The following ACOXL variants were observed in gnomAD, a reference collection of about 807,000 sequenced individuals.
The protein encoded by ACOXL is acyl-CoA oxidase like.
Under a neutral mutation model 71.9 loss-of-function variants are expected in ACOXL, and 70 were observed. The ratio of observed to expected loss-of-function variants is 0.97; its 90% CI spans 0.80 to 1.19. ACOXL has a LOEUF of 1.19. Ranked by LOEUF, ACOXL falls within the 50% of genes most tolerant of loss-of-function variation. ACOXL has a pLI of 0.00. For synonymous variants in ACOXL, 253 were observed against 281.6 expected, an observed-to-expected ratio of 0.90 and a Z score of 1.02; for missense variants, 703 against 736.3, an observed-to-expected ratio of 0.95 and a Z score of 0.52.
chr2:111,066,837 A>C (rs2067095109), intron 16 of ACOXL, among the ~76,000 whole-genome samples: 1 of 152,212 alleles, frequency 6.6e-6, no homozygotes, highest in African/African-American at 2.4e-5. Flanking sequence ...ATGGGGATTT[A>C]ACTCTCATAC....
At chr2:110,795,859 CA>C (rs1234705585) in intron 5 of ACOXL, 1 of 152,020 alleles carries the variant, frequency 6.6e-6, no homozygotes, top group East Asian at 1.9e-4. Flanking sequence ...TACTTTTTTA[CA>C]AAAATAATTT....
intron 15 of ACOXL, among the ~76,000 whole-genome samples, chr2:111,032,672 C>T (rs1459274637): frequency 2.0e-5 from 3 of 152,060 alleles, no homozygotes; most frequent in Non-Finnish European, 4.4e-5. Context: ...CCACAGCTTG[C>T]ATCTGGGGCA....
At chr2:110,768,275 C>T in intron 1 of ACOXL, 93 bp from the exon 2 acceptor site, 3 of 957,138 alleles carry the variant, frequency 3.1e-6, no homozygotes, top group Non-Finnish European at 3.3e-6. Context: ...ACAATGGACA[C>T]AGCTTTTCTG....
At chr2:111,009,064 G>C (rs1022434898) in intron 14 of ACOXL, among the ~76,000 whole-genome samples, 1 of 152,080 alleles carries the variant, frequency 6.6e-6, no homozygotes, top group South Asian at 2.1e-4. Context: ...CATGTTTGCC[G>C]TGCAAACTTT....
intron 12 of ACOXL, among the ~76,000 whole-genome samples, chr2:110,946,929 C>G (rs2061131722): frequency 6.6e-6 from 1 of 152,150 alleles, no homozygotes. Flanking sequence ...TTTGGTGAGT[C>G]AAGGAGAGGC....
intron 2 of ACOXL, 83 bp from the exon 3 acceptor site, chr2:110,784,649 C>T: frequency 2.0e-6 from 2 of 995,928 alleles, no homozygotes; most frequent in Non-Finnish European, 2.9e-6. Flanking sequence ...ATAAAAGTAA[C>T]ATGCATTTCT....
chr2:111,033,322 T>C (rs1458882660), intron 15 of ACOXL, among the ~76,000 whole-genome samples: 1 of 152,244 alleles, frequency 6.6e-6, no homozygotes, highest in African/African-American at 2.4e-5. Context: ...GAAACTGACT[T>C]ATCTTAATTG....
At chr2:111,058,404 G>A (rs2066650905) in intron 16 of ACOXL, among the ~76,000 whole-genome samples, 1 of 152,200 alleles carries the variant, frequency 6.6e-6, no homozygotes, top group Admixed American at 6.5e-5. Context: ...CAGTGAGGGG[G>A]ATGTAAACAC....
In ACOXL at chr2:111,012,283, A is replaced by G. The variant is rs1001642679; in HGVS notation, c.1281+16279A>G. Among the ~76,000 whole-genome samples, 4 of 152,210 alleles carry G rather than the reference A, an allele frequency of 2.6e-5. No homozygotes were observed. The South Asian group carries it at 8.3e-4, about 31-fold the overall frequency. On this transcript the variant is annotated intron_variant, in intron 14 of 17. Coordinates refer to ENST00000439055, the MANE Select transcript of ACOXL (RefSeq NM_001142807.4). The stretch of plus-strand genomic sequence containing the variant: ...TTTTTAGCAATAAATAATTTTTTTG[A>G]GGTGCCTACTTTTTTTAGACATAAC...
At position 110,841,384 on chromosome 2, in the gene ACOXL, TA is replaced by T; in HGVS notation, c.768del (p.Ile256MetfsTer20). 6.2e-7 allele frequency: 1 copy of T among 1,610,162 alleles called. No individual in the cohort carries two copies. Among genetic ancestry groups the T allele is most frequent in the Non-Finnish European group, 8.5e-7 (1 of 1,177,352 alleles). ...AMGAMKLGLT[I>X]AIRYSHSRRQ... ...TTTTAATTACAGCTTGGGTTGACGA[TA>T]GCCATTCGCTATAGCCACAGGTAAA... On this transcript the variant is annotated frameshift_variant, in exon 10 of 18. Coordinates refer to ENST00000439055, the MANE Select transcript of ACOXL (RefSeq NM_001142807.4). LOFTEE classifies it high-confidence loss of function.
chr2:110,927,987 T>C (rs1381649294), intron 11 of ACOXL, among the ~76,000 whole-genome samples: 3 of 152,186 alleles, frequency 2.0e-5, no homozygotes, highest in Admixed American at 2.0e-4. Context: ...TTAACAATTT[T>C]AAAAAATCAA....
At chr2:110,768,531 A>G in intron 2 of ACOXL, 67 bp downstream of exon 2, 1 of 1,464,050 alleles carries the variant, frequency 6.8e-7, no homozygotes, top group Non-Finnish European at 9.4e-7. Flanking sequence ...AGAGAGAGAG[A>G]GAGAGAGTTT....
intron 1 of ACOXL, among the ~76,000 whole-genome samples, chr2:110,751,883 A>G (rs1205329002): frequency 1.3e-5 from 2 of 152,258 alleles, no homozygotes; most frequent in Non-Finnish European, 2.9e-5. Context: ...TTAATCTTGT[A>G]TAACGATGAA....
chr2:110,943,285 G>C (rs1027922942), intron 12 of ACOXL, among the ~76,000 whole-genome samples: 1 of 149,108 alleles, frequency 6.7e-6, no homozygotes, highest in Non-Finnish European at 1.5e-5. Flanking sequence ...AAAGAAAGAA[G>C]GAAGGAAGGA....
chr2:111,043,726 T>C (rs1197309864), intron 15 of ACOXL, among the ~76,000 whole-genome samples: 1 of 152,164 alleles, frequency 6.6e-6, no homozygotes, highest in Admixed American at 6.5e-5. Context: ...TCGCTGCCTC[T>C]AGAGAAGGCT....
At chr2:110,836,697 G>A (rs775347255) in intron 9 of ACOXL, among the ~76,000 whole-genome samples, 4 of 152,186 alleles carry the variant, frequency 2.6e-5, no homozygotes, top group Non-Finnish European at 2.9e-5. Context: ...ATTTCTTTTA[G>A]TGTTTGTTTT....
intron 11 of ACOXL, among the ~76,000 whole-genome samples, chr2:110,915,693 G>T (rs917703776): frequency 6.6e-6 from 1 of 151,808 alleles, no homozygotes; most frequent in African/African-American, 2.4e-5. Context: ...CTCTCAAAGT[G>T]CTGGGATTAC....
At chr2:110,808,906 T>C (rs1168376831) in intron 9 of ACOXL, among the ~76,000 whole-genome samples, 1 of 152,176 alleles carries the variant, frequency 6.6e-6, no homozygotes, top group African/African-American at 2.4e-5. Flanking sequence ...GCCAGCCTCA[T>C]CCACTGCTGT....
chr2:110,890,932 A>G (rs1006210487), intron 10 of ACOXL, among the ~76,000 whole-genome samples: 3 of 151,994 alleles, frequency 2.0e-5, no homozygotes, highest in Non-Finnish European at 4.4e-5. Context: ...ATGTCTTTCC[A>G]TTTATTTAGA....
Sources: allele counts gnomAD v4.1 joint callset (sites outside exome capture counted in the v4.1 genomes callset), GRCh38; gene constraint gnomAD v4.1.1; transcripts MANE v1.5; gene names NCBI Gene and HGNC (gene_info 2026-07-23, HGNC 2026-07-21).